The following RNF17 variants were observed in gnomAD, a reference collection of about 807,000 sequenced individuals.
RNF17 encodes the protein ring finger protein 17, also known as spermatogenesis associated 23.
In RNF17, 31 loss-of-function variants were observed where a neutral mutation model predicts 200.5. That is an observed-to-expected ratio of 0.15 (90% CI 0.12 to 0.21). The LOEUF (loss-of-function observed/expected upper bound fraction) is 0.21. RNF17 is among the 10% of genes least tolerant of loss of function. RNF17 has a pLI of 1.00. For synonymous variants in RNF17, 606 were observed against 637.8 expected (o/e 0.95, Z 0.75); for missense variants, 1,628 against 1,905.1 (o/e 0.85, Z 2.71).
chr13:24,834,274 G>T (rs1889726843), intron 18 of RNF17, among the ~76,000 whole-genome samples: 1 of 152,096 alleles, frequency 6.6e-6, no homozygotes, highest in African/African-American at 2.4e-5. Context: ...TATTATCTGG[G>T]TATGGTGGCA....
chr13:24,876,114 G>C (rs1964934821), intron 33 of RNF17, among the ~76,000 whole-genome samples: 1 of 152,160 alleles, frequency 6.6e-6, no homozygotes, highest in South Asian at 2.1e-4. Flanking sequence ...ATGTAAGAAA[G>C]ATCACATTGA....
At chr13:24,756,997 C>A in the RNF17 span, among the ~76,000 whole-genome samples, 1 of 152,108 alleles carries the variant, frequency 6.6e-6, no homozygotes, top group South Asian at 2.1e-4. Flanking sequence ...ATGGCTTCAT[C>A]TTGGGAAAAG....
At chr13:24,782,020 G>C in intron 6 of RNF17, 76 bp downstream of exon 6, 1 of 944,944 alleles carries the variant, frequency 1.1e-6, no homozygotes, top group Non-Finnish European at 1.7e-6. Context: ...CCTTTGTTTA[G>C]AATGGTAATG....
the RNF17 span, among the ~76,000 whole-genome samples, chr13:24,753,272 A>G: frequency 6.6e-6 from 1 of 152,248 alleles, no homozygotes; most frequent in African/African-American, 2.4e-5. Flanking sequence ...ATGTAACTGA[A>G]GAAATGAACT....
chr13:24,861,087 A>C (rs1593459214), intron 26 of RNF17, among the ~76,000 whole-genome samples, 181 bp from the exon 27 acceptor site: 1 of 152,074 alleles, frequency 6.6e-6, no homozygotes, highest in East Asian at 1.9e-4. Flanking sequence ...CCGTGTTCCC[A>C]AGGCTGGTCT....
chr13:24,878,337 G>A (rs1393685577), intron 34 of RNF17, among the ~76,000 whole-genome samples: 1 of 152,180 alleles, frequency 6.6e-6, no homozygotes, highest in South Asian at 2.1e-4. Context: ...TTATAGATAG[G>A]TATTTTTTCA....
At chr13:24,796,428 G>A in intron 11 of RNF17, 133 bp downstream of exon 11, 2 of 540,216 alleles carry the variant, frequency 3.7e-6, no homozygotes, top group Non-Finnish European at 3.0e-6. Context: ...AAAAGTTTTA[G>A]GATTATTTAA....
At chr13:24,856,125 T>C (rs1477053312) in intron 25 of RNF17, among the ~76,000 whole-genome samples, 1 of 152,044 alleles carries the variant, frequency 6.6e-6, no homozygotes, top group East Asian at 1.9e-4. Context: ...TATCTCGTTT[T>C]AAATCCTTTC....
intron 35 of RNF17, among the ~76,000 whole-genome samples, 199 bp downstream of exon 35, chr13:24,879,494 G>A (rs1170670474): frequency 2.0e-5 from 3 of 152,158 alleles, no homozygotes; most frequent in African/African-American, 7.2e-5. Flanking sequence ...ATGCCTGGAT[G>A]GGCTGTCATG....
chr13:24,833,414 C>G (rs2138045270), intron 18 of RNF17, among the ~76,000 whole-genome samples: 1 of 152,340 alleles, frequency 6.6e-6, no homozygotes, highest in South Asian at 2.1e-4. Flanking sequence ...TTCTATCTAG[C>G]TTCTCTGAAA....
chr13:24,822,121 A>G (rs1274825709), intron 15 of RNF17, among the ~76,000 whole-genome samples: 2 of 152,206 alleles, frequency 1.3e-5, no homozygotes, highest in Non-Finnish European at 2.9e-5. Flanking sequence ...TGATGTTTAC[A>G]TAGCACGCCA....
rs368674104 is a variant in RNF17 at position 24,850,464 on chromosome 13, T to C, written c.3204+21T>C. 6 of 1,395,044 alleles carry C rather than the reference T, an allele frequency of 4.3e-6. No homozygotes were observed. In the African/African-American group the frequency reaches 5.6e-5, roughly 13 times the overall value. 86.4% of individuals were successfully genotyped at this position (1,395,044 alleles called of 1,614,324 possible). ...GTGAGGTAACAAGTTACAAGAGATATGTGCTGATGATCTCATTAATGTTTC... is the reference window on the plus strand; with the variant it reads ...GTGAGGTAACAAGTTACAAGAGATACGTGCTGATGATCTCATTAATGTTTC... On this transcript the variant is annotated intron_variant, in intron 23 of 35. Transcript: ENST00000255324.
intron 2 of RNF17, among the ~76,000 whole-genome samples, chr13:24,772,363 A>C (rs1385570744): frequency 6.7e-6 from 1 of 150,158 alleles, no homozygotes; most frequent in Non-Finnish European, 1.5e-5. Flanking sequence ...AATTGTATTA[A>C]TTTCATATTA....
In RNF17 at chr13:24,804,312, T is replaced by C. The variant is rs1360167067; in HGVS notation, c.1974T>C (p.Ser658=). Residue 658 remains serine, a synonymous_variant, in exon 15 of 36, where the codon AGT becomes AGC. Transcript: ENST00000255324. ...LAKFKSQSLR[S]HFEKNTTLHY... is the part of the protein sequence containing the mutation. Reference sequence around the variant, plus strand: ...GGTTTAAGTCACAATCACTAAGAAGTCACTTTGAAAAAAATACTACTTTAC... The same window carrying C: ...GGTTTAAGTCACAATCACTAAGAAGCCACTTTGAAAAAAATACTACTTTAC... 2 of 1,613,070 alleles carry C rather than the reference T, an allele frequency of 1.2e-6. No individual in the cohort carries two copies. The highest frequency in any genetic ancestry group is 2.2e-5 in the East Asian group (1 of 44,848).
intron 26 of RNF17, among the ~76,000 whole-genome samples, chr13:24,859,469 G>A (rs12876081): frequency 0.42 from 63,112 of 151,894 alleles, 13,154 homozygotes; most frequent in Admixed American, 0.45. Context: ...TTTCCAGTAT[G>A]TTAAATATCT....
chr13:24,882,304 A>G (rs1188379143), downstream of RNF17: 2 of 151,372 alleles, frequency 1.3e-5, no homozygotes, highest in Admixed American at 1.3e-4. Flanking sequence ...TATTTTTCAT[A>G]TTCAGTTAAG....
At chr13:24,812,642 C>T (rs1354449629) in intron 15 of RNF17, among the ~76,000 whole-genome samples, 4 of 147,142 alleles carry the variant, frequency 2.7e-5, no homozygotes, top group South Asian at 2.2e-4. Context: ...CGGAGCTGTT[C>T]CTATTCAGCC....
intron 2 of RNF17, among the ~76,000 whole-genome samples, chr13:24,771,434 C>T (rs948326920): frequency 2.2e-5 from 3 of 138,634 alleles, no homozygotes; most frequent in African/African-American, 7.9e-5. Flanking sequence ...TTCCAAAGTG[C>T]TGAGATTACA....
chr13:24,885,969 G>C, the RNF17 span: 6 of 430,092 alleles, frequency 1.4e-5, no homozygotes, highest in Non-Finnish European at 8.6e-6. Flanking sequence ...GTAAGGTGCA[G>C]ATAAAAGAGG....
Sources: gnomAD v4.1 joint callset for allele counts (sites outside exome capture counted in the v4.1 genomes callset) on GRCh38, gnomAD v4.1.1 for gene constraint, MANE v1.5 for transcripts, NCBI Gene and HGNC (gene_info 2026-07-23, HGNC 2026-07-21) for gene names.